Variants in UBR3 observed in about 807,000 individuals in gnomAD.
The protein encoded by UBR3 is ubiquitin protein ligase E3 component n-recognin 3.
A neutral mutation model predicts 243.2 loss-of-function variants in UBR3; 85 were observed. The ratio of observed to expected loss-of-function variants is 0.35; its 90% confidence interval spans 0.29 to 0.42. The LOEUF (loss-of-function observed/expected upper bound fraction) is 0.42. UBR3 is among the 10% of genes least tolerant of loss of function. The pLI is 1.00. For missense variants in UBR3, 1,686 were observed against 2,300.8 expected, an observed-to-expected ratio of 0.73 and a Z score of 5.47; for synonymous variants, 748 against 799.8, an observed-to-expected ratio of 0.94 and a Z score of 1.09.
At chr2:169,837,345 G>A (rs1332775831) in intron 1 of UBR3, among the ~76,000 whole-genome samples, 2 of 152,264 alleles carry the variant, frequency 1.3e-5, no homozygotes, top group South Asian at 2.1e-4. Context: ...GTGTGGTGGC[G>A]TGTGGCTGTA....
In UBR3 at chr2:170,009,054, A is replaced by C. The variant is rs564922159; in HGVS notation, c.4367+114A>C. The C allele has an allele frequency of 4.1e-3, 2,808 of 682,022 alleles. 10 individuals are homozygous for C. Among genetic ancestry groups the C allele is most frequent in the Non-Finnish European group, 4.7e-3 (2,161 of 459,690 alleles). The allele number at this position is 682,022 out of a possible 1,614,324, so 42.2% of individuals were successfully genotyped here. On this transcript the variant is annotated intron_variant, in intron 29 of 38. Transcript: ENST00000272793. The stretch of plus-strand genomic sequence containing the variant: ...GGATGCATATTTTTAATATCAGTTG[A>C]AATTATGGCTAGTTTTAGTGCCTGC...
chr2:169,868,558 G>A (rs2083332353), intron 1 of UBR3, among the ~76,000 whole-genome samples: 1 of 152,204 alleles, frequency 6.6e-6, no homozygotes, highest in Non-Finnish European at 1.5e-5. Context: ...TGATCTGCAT[G>A]CCTTGGCCTC....
intron 1 of UBR3, among the ~76,000 whole-genome samples, chr2:169,850,154 G>T (rs1015104163): frequency 6.7e-6 from 1 of 148,984 alleles, no homozygotes. Context: ...CCTGGTGGGT[G>T]AGAGTTTGTT....
At chr2:169,876,380 A>G (rs2083611417) in intron 3 of UBR3, among the ~76,000 whole-genome samples, 1 of 152,054 alleles carries the variant, frequency 6.6e-6, no homozygotes, top group African/African-American at 2.4e-5. Flanking sequence ...GCGCCTGGCA[A>G]GAGAACTTCT....
At chr2:170,044,092 G>A (rs1193062392) in intron 32 of UBR3, among the ~76,000 whole-genome samples, 9 of 152,092 alleles carry the variant, frequency 5.9e-5, no homozygotes, top group African/African-American at 1.9e-4. Context: ...GGAGAGTTGG[G>A]GAGATAAGGA....
rs552278707 is a variant in UBR3 at position 170,002,917 on chromosome 2, G to A, written c.4029+1503G>A. On this transcript the variant is annotated intron_variant, in intron 27 of 38. Transcript: ENST00000272793. ...TTCCCAGGATGGAGTGCAGTGGCTC[G>A]ATCATAGCTCACTGAAGCCTTACGC... Among the ~76,000 whole-genome samples, 5 of 152,084 alleles carry A rather than the reference G, an allele frequency of 3.3e-5. No individual in the cohort carries two copies. In the East Asian group the frequency reaches 5.8e-4, roughly 18 times the overall value.
At chr2:170,079,533 T>C (rs1042778171) in intron 36 of UBR3, among the ~76,000 whole-genome samples, 5 of 152,230 alleles carry the variant, frequency 3.3e-5, no homozygotes, top group Non-Finnish European at 5.9e-5. Context: ...TTAGAGATGG[T>C]GTTTTTCTTT....
chr2:169,880,527 G>T (rs932778305), intron 5 of UBR3, among the ~76,000 whole-genome samples: 6 of 152,108 alleles, frequency 3.9e-5, no homozygotes, highest in African/African-American at 9.7e-5. Context: ...TGAATTTCCC[G>T]TGGAGACTTT....
At chr2:169,971,408 T>C (rs2088137129) in intron 24 of UBR3, among the ~76,000 whole-genome samples, 1 of 150,352 alleles carries the variant, frequency 6.7e-6, no homozygotes, top group Non-Finnish European at 1.5e-5. Context: ...CCCATGCCTA[T>C]GTCCTGAATG....
intron 32 of UBR3, among the ~76,000 whole-genome samples, chr2:170,048,695 G>A (rs1045714935): frequency 2.6e-5 from 4 of 152,046 alleles, no homozygotes; most frequent in Admixed American, 2.6e-4. Context: ...ATTTGGATAC[G>A]CCAAAGAGAA....
At chr2:169,836,037 CTCTCTCTA>C (rs1256119319) in intron 1 of UBR3, among the ~76,000 whole-genome samples, 19 of 12,542 alleles carry the variant, frequency 1.5e-3, no homozygotes, top group South Asian at 0.014. Flanking sequence ...CTCTCTCTCT[CTCTCTCTA>C]TATATATATA....
rs1291374502 is a variant in UBR3 at position 170,083,177 on chromosome 2, T to TA, written c.*1338dup. 1.9e-5 allele frequency: 1 copy of TA among 51,360 alleles called. No individual in the cohort carries two copies. The highest frequency in any genetic ancestry group is 4.8e-5 in the African/African-American group (1 of 20,998). The allele number at this position is 51,360 out of a possible 1,614,324, so 3.2% of individuals were successfully genotyped here. On this transcript the variant is annotated 3_prime_UTR_variant, in exon 39 of 39. Transcript: ENST00000272793. ...AAAATAAACTAAACAAATCTAATGA[T>TA]AAAATATGTCAGATCCATGTTCTAA...
chr2:170,081,614 CA>C, intron 38 of UBR3, 111 bp from the exon 39 acceptor site: 1 of 636,084 alleles, frequency 1.6e-6, no homozygotes. Context: ...TGCTTGAACC[CA>C]GGAGGCGGAG....
intron 10 of UBR3, among the ~76,000 whole-genome samples, chr2:169,911,505 A>C (rs1040987345): frequency 6.6e-6 from 1 of 152,182 alleles, no homozygotes; most frequent in African/African-American, 2.4e-5. Context: ...TCAAGGTCAT[A>C]AAACTAGTAA....
chr2:170,010,481 GATAA>G (rs1464079932), intron 29 of UBR3, among the ~76,000 whole-genome samples: 1 of 152,094 alleles, frequency 6.6e-6, no homozygotes, highest in Non-Finnish European at 1.5e-5. Context: ...CCTGTAGTAT[GATAA>G]ATCAAACAAT....
intron 23 of UBR3, among the ~76,000 whole-genome samples, chr2:169,950,829 T>C (rs1020906287): frequency 2.0e-5 from 3 of 151,956 alleles, no homozygotes; most frequent in African/African-American, 7.3e-5. Flanking sequence ...AAGGTGAATC[T>C]TGAGAGATTG....
rs370093998 is a variant in UBR3, at chr2:169,869,134, G to A, written c.546-3102G>A. Among the ~76,000 whole-genome samples the A allele has an allele frequency of 2.2e-4, 32 of 148,490 alleles. No individual in the cohort carries two copies. The South Asian group carries it at 6.8e-3, about 32-fold the overall frequency. ...TGTTTGATAAGAACATTTCATAAAT[G>A]GTGTTGTGTGCTTTACTCACATCAC... On this transcript the variant is annotated intron_variant, in intron 1 of 38. Transcript: ENST00000272793.
chr2:169,856,029 G>GCCAGAC (rs1373307630), intron 1 of UBR3, among the ~76,000 whole-genome samples: 1 of 148,396 alleles, frequency 6.7e-6, no homozygotes, highest in Non-Finnish European at 1.5e-5. Context: ...CTCCTCACCT[G>GCCAGAC]CCAGACGGGG....
At position 169,827,707 on chromosome 2, in the gene UBR3, C is replaced by G. The variant is rs781365209; in HGVS notation, c.200C>G (p.Ala67Gly). ...RVLSAERPLA[A>G]AAGGEDAAAA... ...CTGAGCGCCGAGCGGCCGCTGGCCG[C>G]GGCTGCCGGCGGCGAGGACGCGGCG... Residue 67 changes from alanine (A) to glycine (G), a missense_variant, in exon 1 of 39, where the codon GCG becomes GGG. By Grantham distance (60) the Ala-to-Gly change is moderately conservative. Coordinates refer to ENST00000272793, the MANE Select transcript of UBR3 (RefSeq NM_172070.4). 4.1e-6 allele frequency: 5 copies of G among 1,219,932 alleles called. No individual in the cohort carries two copies. In the Admixed American group the frequency reaches 1.3e-4, roughly 32 times the overall value. The allele number at this position is 1,219,932 out of a possible 1,614,324, so 75.6% of individuals were successfully genotyped here. A position where few individuals can be genotyped will look rare whatever the true frequency, so the allele number is the denominator to read the frequency against.
Sources: gnomAD v4.1 joint callset for allele counts (sites outside exome capture counted in the v4.1 genomes callset) on GRCh38, gnomAD v4.1.1 for gene constraint, MANE v1.5 for transcripts, NCBI Gene and HGNC (gene_info 2026-07-23, HGNC 2026-07-21) for gene names.